The following ADAMTS2 variants were observed in gnomAD, a reference collection of about 807,000 sequenced individuals.
ADAMTS2 encodes ADAM metallopeptidase with thrombospondin type 1 motif 2, also known as A disintegrin and metalloproteinase with thrombospondin motifs 2.
ADAMTS2 carries 50 observed loss-of-function variants against 123.0 expected under a neutral mutation model. The observed-to-expected ratio is 0.41, with a 90% confidence interval of 0.32 to 0.51. ADAMTS2 has a LOEUF of 0.51. Among genes scored for constraint, ADAMTS2 ranks in the 20% least tolerant of loss-of-function variants. The pLI is 0.35. For missense variants in ADAMTS2, 1,494 were observed against 1,705.2 expected (o/e 0.88, Z 2.18); for synonymous variants, 678 against 695.4 (o/e 0.98, Z 0.39).
chr5:179,239,888 C>A (rs1269463784), intron 3 of ADAMTS2, among the ~76,000 whole-genome samples: 1 of 152,064 alleles, frequency 6.6e-6, no homozygotes, highest in East Asian at 1.9e-4. Flanking sequence ...ACTAGCCTGC[C>A]ACGTGCTAGG....
chr5:179,237,195 C>T (rs1406038982), intron 3 of ADAMTS2, among the ~76,000 whole-genome samples: 3 of 152,152 alleles, frequency 2.0e-5, no homozygotes, highest in African/African-American at 7.2e-5. Context: ...CCCAGGAGTT[C>T]AAGGACACAG....
intron 10 of ADAMTS2, among the ~76,000 whole-genome samples, chr5:179,149,907 T>A (rs926356201): frequency 1.3e-5 from 2 of 151,982 alleles, no homozygotes; most frequent in Admixed American, 1.3e-4. Flanking sequence ...AAAGGCAATT[T>A]CACTTACTGG....
Position 179,198,468 on chromosome 5 carries a change from C to T in ADAMTS2, c.891+9045G>A, listed in dbSNP as rs192138727. On this transcript the variant is annotated intron_variant, in intron 4 of 21. Coordinates refer to ENST00000251582, the MANE Select transcript of ADAMTS2 (RefSeq NM_014244.5). ...CAGCATCTCTGACCAGGCTAAGGGC[C>T]GCTGAGCCTCAGGAGACCAGACTCA... is the stretch of plus-strand genomic sequence containing the variant. Among the ~76,000 whole-genome samples, 85 of 152,314 alleles carry T rather than the reference C, an allele frequency of 5.6e-4. No homozygotes were observed. In the East Asian group the frequency reaches 0.012, roughly 22 times the overall value.
At chr5:179,306,239 C>T (rs1756668991) in intron 2 of ADAMTS2, among the ~76,000 whole-genome samples, 2 of 152,264 alleles carry the variant, frequency 1.3e-5, no homozygotes, top group South Asian at 4.1e-4. Flanking sequence ...CAAGTCTAGT[C>T]CAGCCATGTA....
At chr5:179,338,672 C>G (rs545792541) in intron 2 of ADAMTS2, among the ~76,000 whole-genome samples, 3 of 152,258 alleles carry the variant, frequency 2.0e-5, no homozygotes, top group Admixed American at 1.3e-4. Context: ...GAATGCCAGG[C>G]CAGTGGGTTT....
At position 179,262,787 on chromosome 5, in the gene ADAMTS2, C is replaced by A. The variant is rs1398330255; in HGVS notation, c.688+10124G>T. On this transcript the variant is annotated intron_variant, in intron 3 of 21. Transcript: ENST00000251582. This position sits in a 1 kb window ranked among gnomAD's most constrained non-coding sequence, Gnocchi z 5.9. ...GCATCTGCTCACCAGGTCTCCCCTG[C>A]GGGGCTGTGAGCCCAGAGAACAGGG... 1.3e-5 allele frequency among the ~76,000 whole-genome samples: 2 copies of A among 152,260 alleles called. No individual in the cohort carries two copies. Among genetic ancestry groups the A allele is most frequent in the Non-Finnish European group, 2.9e-5 (2 of 68,052 alleles).
At chr5:179,282,287 T>G (rs537917012) in intron 2 of ADAMTS2, among the ~76,000 whole-genome samples, 1 of 152,368 alleles carries the variant, frequency 6.6e-6, no homozygotes. Context: ...TGTAGATCTA[T>G]GATCCATCCA....
At position 179,207,568 on chromosome 5, in the gene ADAMTS2, A is replaced by T. The variant is rs1764731023; in HGVS notation, c.836T>A (p.Val279Glu). The change falls in exon 4 of 22, where the codon GTG becomes GAG. Residue 279 changes from valine (V) to glutamate (E), a missense_variant. Val to Glu is a moderately radical substitution (Grantham distance 121). Around this residue, in one of 6 missense-constraint regions of ADAMTS2, gnomAD observed 184 missense variants for 152.1 expected, o/e 1.21. Coordinates refer to ENST00000251582, the MANE Select transcript of ADAMTS2 (RefSeq NM_014244.5). ...TACGTGCTCCTTCCCGTGGAACTGC[A>T]CCACAGAGTCATCCACGCCCAGCAG... ...EVLLGVDDSV[V>E]QFHGKEHVQK... 4 of 1,609,282 alleles carry T rather than the reference A, an allele frequency of 2.5e-6. No homozygotes were observed. Among genetic ancestry groups the T allele is most frequent in the Non-Finnish European group, 2.5e-6 (3 of 1,178,414 alleles).
In ADAMTS2 at chr5:179,234,973, G is replaced by A. The variant is rs1009538968; in HGVS notation, c.689-27258C>T. Among the ~76,000 whole-genome samples the A allele has an allele frequency of 2.6e-5, 4 of 152,204 alleles. No homozygotes were observed. Among genetic ancestry groups the A allele is most frequent in the African/African-American group, 9.7e-5 (4 of 41,450 alleles). ...TGCCTGCCAACCCTCCCAGGGACCT[G>A]CTCATGTTCCCGCAACGCCCTTACA... is the stretch of plus-strand genomic sequence containing the variant. On this transcript the variant is annotated intron_variant, in intron 3 of 21. Coordinates refer to ENST00000251582, the MANE Select transcript of ADAMTS2 (RefSeq NM_014244.5). This position sits in a 1 kb window ranked among gnomAD's most constrained non-coding sequence, Gnocchi z 4.7.
Position 179,132,612 on chromosome 5 carries a change from C to A in ADAMTS2, c.2209+165G>T, listed in dbSNP as rs550745076. On this transcript the variant is annotated intron_variant, in intron 14 of 21. Transcript: ENST00000251582. This position sits in a 1 kb window ranked among gnomAD's most constrained non-coding sequence, Gnocchi z 6.1. ...CACCCTGGCACCCAGCTGGGGCTGT[C>A]CCCGACTTAGGATTCTCCCTCCCCC... Among the ~76,000 whole-genome samples, 1 of 148,282 alleles carries A rather than the reference C, an allele frequency of 6.7e-6. No individual in the cohort carries two copies. Among genetic ancestry groups the A allele is most frequent in the Non-Finnish European group, 1.5e-5 (1 of 67,166 alleles).
rs75669660 is a variant in ADAMTS2 at position 179,272,582 on chromosome 5, C to T, written c.688+329G>A. On this transcript the variant is annotated intron_variant, in intron 3 of 21. Transcript: ENST00000251582. This position sits in a 1 kb window ranked among gnomAD's most constrained non-coding sequence, Gnocchi z 5.8. ...GGCCTGGCCGGGGGCCCCCGCCCCG[C>T]TCCACGACACTTGCTTGCCTTTAGG... 0.02 allele frequency among the ~76,000 whole-genome samples: 3,054 copies of T among 152,232 alleles called. 47 individuals are homozygous for T. Among genetic ancestry groups the T allele is most frequent in the Middle Eastern group, 0.065 (19 of 294 alleles).
chr5:179,171,322 C>G (rs1272726653), intron 5 of ADAMTS2, among the ~76,000 whole-genome samples: 2 of 152,212 alleles, frequency 1.3e-5, no homozygotes, highest in Non-Finnish European at 2.9e-5. Context: ...CTGTGGCCCA[C>G]AGCACATTCG....
At chr5:179,157,169 C>T (rs576130831) in intron 6 of ADAMTS2, among the ~76,000 whole-genome samples, 96 of 152,064 alleles carry the variant, frequency 6.3e-4, no homozygotes, top group African/African-American at 2.2e-3. Flanking sequence ...AGGCTGGTCA[C>T]GAACTCCTGA....
intron 3 of ADAMTS2, among the ~76,000 whole-genome samples, chr5:179,214,765 G>T (rs1764936216): frequency 6.6e-6 from 1 of 152,086 alleles, no homozygotes; most frequent in African/African-American, 2.4e-5. Flanking sequence ...TGGACTGGAA[G>T]TTGGTCCTCC....
At chr5:179,125,814 C>T (rs757804303) in intron 18 of ADAMTS2, among the ~76,000 whole-genome samples, 184 bp downstream of exon 18, 2 of 152,232 alleles carry the variant, frequency 1.3e-5, no homozygotes, top group African/African-American at 4.8e-5. Context: ...TTCAGTTTGG[C>T]GGGTTTGAAG....
chr5:179,216,426 C>T lies in ADAMTS2; in HGVS notation c.689-8711G>A, dbSNP rs544792996. On this transcript the variant is annotated intron_variant, in intron 3 of 21. Coordinates refer to ENST00000251582, the MANE Select transcript of ADAMTS2 (RefSeq NM_014244.5). ...TTCACAGAAGTTTCCAGCTTTCCCC[C>T]CACCGAGAGCTGGAGGCAGGCCGTG... Among the ~76,000 whole-genome samples the T allele has an allele frequency of 3.9e-5, 6 of 152,268 alleles. No homozygotes were observed. The East Asian group carries it at 1.2e-3, about 29-fold the overall frequency.
At chr5:179,231,500 C>T (rs915163776) in intron 3 of ADAMTS2, among the ~76,000 whole-genome samples, 2 of 152,170 alleles carry the variant, frequency 1.3e-5, no homozygotes, top group South Asian at 2.1e-4. Flanking sequence ...GATGGCGTCC[C>T]GGTGTCTGCA....
At chr5:179,205,938 A>AT (rs1764679661) in intron 4 of ADAMTS2, among the ~76,000 whole-genome samples, 1 of 151,692 alleles carries the variant, frequency 6.6e-6, no homozygotes, top group South Asian at 2.1e-4. Flanking sequence ...CGCCCGGCTA[A>AT]TTTTTTGTAT....
intron 10 of ADAMTS2, among the ~76,000 whole-genome samples, chr5:179,143,683 C>T (rs1353231667): frequency 3.3e-5 from 5 of 152,046 alleles, no homozygotes; most frequent in Non-Finnish European, 7.4e-5. Context: ...TTTGCCCTTT[C>T]GTCCCTGCTG....
Sources: allele counts gnomAD v4.1 joint callset (sites outside exome capture counted in the v4.1 genomes callset), GRCh38; gene constraint gnomAD v4.1.1; regional missense constraint gnomAD v4.1.1; non-coding constraint Gnocchi (gnomAD v3.1); transcripts MANE v1.5; gene names NCBI Gene and HGNC (gene_info 2026-07-23, HGNC 2026-07-21).